ARHGEF33: variants seen among roughly 807,000 people sequenced by gnomAD.
The protein encoded by ARHGEF33 is Rho guanine nucleotide exchange factor 33.
Under a neutral mutation model 101.9 loss-of-function variants are expected in ARHGEF33, and 72 were observed. The ratio of observed to expected loss-of-function variants is 0.71; its 90% CI spans 0.58 to 0.86. ARHGEF33 has a LOEUF of 0.86. ARHGEF33 is among the 40% of genes least tolerant of loss of function. The pLI is 0.00. For synonymous variants in ARHGEF33, 499 were observed against 442.5 expected (o/e 1.13, Z -1.60); for missense variants, 1,169 against 1,111.3 (o/e 1.05, Z -0.74).
Position 38,953,259 on chromosome 2 carries a change from A to T in ARHGEF33, c.1137+14A>T, listed in dbSNP as rs1316603175. The stretch of plus-strand genomic sequence containing the variant: ...GTCCTGAAAGAGGTGAGTTAACGCC[A>T]TATATATGCTATCCTTCATCTGCAC... On this transcript the variant is annotated intron_variant, in intron 12 of 17. Transcript: ENST00000409978. 35 of 1,408,388 alleles carry T rather than the reference A, an allele frequency of 2.5e-5. No homozygotes were observed. The South Asian group carries it at 3.9e-4, about 16-fold the overall frequency. The allele number at this position is 1,408,388 out of a possible 1,614,324, so 87.2% of individuals were successfully genotyped here.
intron 10 of ARHGEF33, 74 bp from the exon 11 acceptor site, chr2:38,950,915 G>T: frequency 7.1e-7 from 1 of 1,408,402 alleles, no homozygotes; most frequent in Non-Finnish European, 9.7e-7. Flanking sequence ...AATGGGCCCT[G>T]CTGCATGTAT....
At chr2:38,895,663 G>A (rs966104459) in intron 1 of ARHGEF33, 114 bp from the exon 2 acceptor site, 3 of 151,784 alleles carry the variant, frequency 2.0e-5, no homozygotes, top group African/African-American at 7.3e-5. Context: ...TTTAACAACA[G>A]TGAATTGCAT....
chr2:38,968,996 T>A (rs1572785190), intron 17 of ARHGEF33, among the ~76,000 whole-genome samples: 2 of 152,274 alleles, frequency 1.3e-5, no homozygotes, highest in East Asian at 3.9e-4. Context: ...GCAGTGGCTT[T>A]TAACTCAGAT....
intron 1 of ARHGEF33, among the ~76,000 whole-genome samples, chr2:38,891,382 C>T (rs1048831036): frequency 7.9e-5 from 12 of 151,960 alleles, no homozygotes; most frequent in African/African-American, 2.9e-4. Context: ...TCTCTCCTTT[C>T]CTCCCTTCCT....
rs369179124 is a variant in ARHGEF33, at chr2:38,973,911, A to AAT, written c.*81_*82dup. 4,971 of 1,027,442 alleles carry AAT rather than the reference A, an allele frequency of 4.8e-3. 100 individuals carry two copies. In the Admixed American group the frequency reaches 0.079, roughly 16 times the overall value. 63.6% of individuals were successfully genotyped at this position (1,027,442 alleles called of 1,614,324 possible). A position where few individuals can be genotyped will look rare whatever the true frequency, so the allele number is the denominator to read the frequency against. ...AAAAGCTTGTATATATCTGTGTAGG[A>AAT]ATATATATATATATCTATATCTATA... On this transcript the variant is annotated 3_prime_UTR_variant, in exon 18 of 18. Transcript: ENST00000409978.
intron 2 of ARHGEF33, among the ~76,000 whole-genome samples, chr2:38,907,803 A>C (rs953293731): frequency 6.6e-6 from 1 of 151,318 alleles, no homozygotes; most frequent in South Asian, 2.1e-4. Flanking sequence ...TGTCTTTTTA[A>C]GTAGATATTT....
chr2:38,908,896 G>A (rs1666451307), intron 2 of ARHGEF33, among the ~76,000 whole-genome samples: 1 of 152,110 alleles, frequency 6.6e-6, no homozygotes, highest in Non-Finnish European at 1.5e-5. Context: ...TAATCTTCAG[G>A]CCAAACTCTC....
intron 4 of ARHGEF33, chr2:38,928,679 T>G: frequency 3.2e-6 from 1 of 313,440 alleles, no homozygotes; most frequent in Non-Finnish European, 5.8e-6. Flanking sequence ...GCTTGCTTTC[T>G]TGTCATTTAT....
chr2:38,933,834 C>T (rs1255865380), intron 7 of ARHGEF33, among the ~76,000 whole-genome samples: 2 of 152,192 alleles, frequency 1.3e-5, no homozygotes, highest in Non-Finnish European at 2.9e-5. Context: ...CCATCTGGAG[C>T]TGCTTACCAC....
intron 6 of ARHGEF33, 112 bp from the exon 7 acceptor site, chr2:38,930,997 T>C: frequency 2.5e-6 from 2 of 784,548 alleles, no homozygotes; most frequent in Non-Finnish European, 3.8e-6. Context: ...GCAATTTATA[T>C]AGTTCAACCT....
At chr2:38,960,696 T>C in intron 16 of ARHGEF33, 48 bp downstream of exon 16, 2 of 1,281,108 alleles carry the variant, frequency 1.6e-6, no homozygotes, top group Admixed American at 3.3e-5. Context: ...GCCCCAGGCC[T>C]AGATCTGCAG....
chr2:38,916,013 ACT>A, intron 2 of ARHGEF33, among the ~76,000 whole-genome samples: 1 of 152,102 alleles, frequency 6.6e-6, no homozygotes, highest in East Asian at 1.9e-4. Context: ...GAAGAGCAAG[ACT>A]CTGTCTCTAC....
At chr2:38,937,175 T>A (rs1401390921) in intron 8 of ARHGEF33, 160 bp from the exon 9 acceptor site, 13 of 572,204 alleles carry the variant, frequency 2.3e-5, no homozygotes, top group African/African-American at 3.8e-5. Flanking sequence ...TTTATATTTT[T>A]AGTAGAGACA....
intron 2 of ARHGEF33, among the ~76,000 whole-genome samples, chr2:38,914,406 G>A (rs1312296252): frequency 6.6e-6 from 1 of 152,114 alleles, no homozygotes; most frequent in Non-Finnish European, 1.5e-5. Flanking sequence ...GGTGGCTCAC[G>A]CCTGTAATCC....
At position 38,937,330 on chromosome 2, in the gene ARHGEF33, A is replaced by G; in HGVS notation, c.566-5A>G. 2.2e-6 allele frequency: 1 copy of G among 448,250 alleles called. No individual in the cohort carries two copies. The highest frequency in any genetic ancestry group is 3.8e-6 in the Non-Finnish European group (1 of 259,762). The allele number at this position is 448,250 out of a possible 1,614,324, so 27.8% of individuals were successfully genotyped here. A position where few individuals can be genotyped will look rare whatever the true frequency, so the allele number is the denominator to read the frequency against. ...GTTTCCCCGCCCCTCCCCCCACCCCACCAGGAGTGAACCCAACAACTCCAG... is the reference window on the plus strand; with the variant it reads ...GTTTCCCCGCCCCTCCCCCCACCCCGCCAGGAGTGAACCCAACAACTCCAG... On this transcript the variant is annotated splice_region_variant and splice_polypyrimidine_tract_variant and intron_variant, in intron 8 of 17. Coordinates refer to ENST00000409978, the MANE Select transcript of ARHGEF33 (RefSeq NM_001145451.5).
intron 17 of ARHGEF33, among the ~76,000 whole-genome samples, chr2:38,970,916 A>G (rs774176630): frequency 2.6e-5 from 4 of 152,156 alleles, no homozygotes; most frequent in Non-Finnish European, 5.9e-5. Context: ...TCCTCCATCA[A>G]TCAGATTGCC....
At chr2:38,920,995 G>A (rs553387015) in intron 3 of ARHGEF33, among the ~76,000 whole-genome samples, 6 of 152,220 alleles carry the variant, frequency 3.9e-5, no homozygotes, top group South Asian at 2.1e-4. Context: ...GTGAAGAGCC[G>A]CCTTCCTGAC....
intron 1 of ARHGEF33, among the ~76,000 whole-genome samples, chr2:38,894,913 GACAA>G: frequency 6.6e-6 from 1 of 151,282 alleles, no homozygotes; most frequent in East Asian, 1.9e-4. Context: ...TATTCCTTTA[GACAA>G]AGTACAGCAT....
intron 2 of ARHGEF33, among the ~76,000 whole-genome samples, chr2:38,899,120 T>C (rs920873851): frequency 5.3e-5 from 8 of 152,224 alleles, no homozygotes; most frequent in Non-Finnish European, 1.2e-4. Flanking sequence ...ATTATAAACA[T>C]CTCCTGAAAT....
Sources: allele counts gnomAD v4.1 joint callset (sites outside exome capture counted in the v4.1 genomes callset), GRCh38; gene constraint gnomAD v4.1.1; transcripts MANE v1.5; gene names NCBI Gene and HGNC (gene_info 2026-07-23, HGNC 2026-07-21).